RYR3: variants seen among roughly 807,000 people sequenced by gnomAD.
RYR3 encodes brain ryanodine receptor-calcium release channel.
Under a neutral mutation model 584.3 loss-of-function variants are expected in RYR3, and 207 were observed. That is an observed-to-expected ratio of 0.35 (90% confidence interval 0.32 to 0.40). RYR3 has a LOEUF of 0.40. Ranked by LOEUF, RYR3 falls within the 10% of genes least tolerant of loss-of-function variation. The pLI is 1.00. For missense variants in RYR3, 5,616 were observed against 6,089.2 expected (o/e 0.92, Z 2.59); for synonymous variants, 2,416 against 2,248.5 (o/e 1.07, Z -2.11).
intron 2 of RYR3, among the ~76,000 whole-genome samples, chr15:33,500,131 A>T (rs557884694): frequency 6.6e-6 from 1 of 152,352 alleles, no homozygotes; most frequent in East Asian, 1.9e-4. Flanking sequence ...AATAAGGCAC[A>T]GATTCTTTCA....
intron 43 of RYR3, among the ~76,000 whole-genome samples, chr15:33,718,541 TA>T (rs1268512556): frequency 1.3e-5 from 2 of 152,102 alleles, no homozygotes; most frequent in African/African-American, 4.8e-5. Flanking sequence ...TTCCCATGTT[TA>T]AGCTCCTCCT....
intron 3 of RYR3, among the ~76,000 whole-genome samples, chr15:33,515,436 A>G (rs1311175741): frequency 2.0e-5 from 3 of 152,240 alleles, no homozygotes; most frequent in African/African-American, 7.2e-5. Context: ...AAACCTTTGT[A>G]GGTCTGTCTG....
chr15:33,525,845 T>C (rs1211278717), intron 3 of RYR3, among the ~76,000 whole-genome samples: 2 of 152,214 alleles, frequency 1.3e-5, no homozygotes, highest in East Asian at 3.9e-4. Context: ...CAGGAAATAT[T>C]GTTCTGTGAG....
At chr15:33,640,986 T>C (rs1176865776) in intron 27 of RYR3, among the ~76,000 whole-genome samples, 5 of 152,182 alleles carry the variant, frequency 3.3e-5, no homozygotes, top group Admixed American at 3.3e-4. Context: ...CCTTGCCCAG[T>C]AGGTCCTTTT....
At chr15:33,424,513 G>A (rs1192160413) in intron 1 of RYR3, among the ~76,000 whole-genome samples, 2 of 152,168 alleles carry the variant, frequency 1.3e-5, no homozygotes, top group Admixed American at 6.5e-5. Flanking sequence ...AGCCTTGTCT[G>A]CTGCCCTCCT....
At chr15:33,744,029 C>T (rs1263205020) in intron 52 of RYR3, among the ~76,000 whole-genome samples, 2 of 152,154 alleles carry the variant, frequency 1.3e-5, no homozygotes, top group African/African-American at 2.4e-5. Flanking sequence ...GCCCTCTGCC[C>T]TCCAGCCACC....
intron 1 of RYR3, among the ~76,000 whole-genome samples, chr15:33,344,077 ATTG>A (rs780706954): frequency 4.0e-4 from 61 of 152,306 alleles, no homozygotes; most frequent in African/African-American, 1.4e-3. Flanking sequence ...ACTTGCTGGA[ATTG>A]TTGTTGTTGC....
At chr15:33,514,818 G>A (rs2053360182) in intron 3 of RYR3, among the ~76,000 whole-genome samples, 1 of 151,848 alleles carries the variant, frequency 6.6e-6, no homozygotes, top group South Asian at 2.1e-4. Context: ...TGGTTAACAC[G>A]GTGAAACCCC....
At chr15:33,711,633 TC>T (rs35073118) in intron 43 of RYR3, among the ~76,000 whole-genome samples, 1 of 152,178 alleles carries the variant, frequency 6.6e-6, no homozygotes, top group African/African-American at 2.4e-5. Context: ...CTTCCATCGA[TC>T]CCTAAGGCAC....
intron 2 of RYR3, among the ~76,000 whole-genome samples, chr15:33,488,297 TGAA>T (rs955331012): frequency 9.5e-4 from 145 of 152,294 alleles, no homozygotes; most frequent in Middle Eastern, 3.4e-3. Context: ...TGGCCCCAGG[TGAA>T]TTATGAATAG....
At chr15:33,823,655 A>C (rs1395444663) in intron 81 of RYR3, among the ~76,000 whole-genome samples, 1 of 152,160 alleles carries the variant, frequency 6.6e-6, no homozygotes, top group Non-Finnish European at 1.5e-5. Context: ...TAAGCTGTTT[A>C]AGCCACCCCT....
chr15:33,468,611 T>G (rs993558520), intron 1 of RYR3, among the ~76,000 whole-genome samples: 1 of 152,224 alleles, frequency 6.6e-6, no homozygotes, highest in African/African-American at 2.4e-5. Context: ...AATTAACACA[T>G]TTTTACAAAA....
chr15:33,472,069 T>G (rs898645281), intron 1 of RYR3, among the ~76,000 whole-genome samples: 1 of 152,230 alleles, frequency 6.6e-6, no homozygotes, highest in Non-Finnish European at 1.5e-5. Flanking sequence ...GACCATGAAT[T>G]CTGATTTTAC....
rs771688205 is a variant in RYR3 at position 33,613,337 on chromosome 15, G to A, written c.2319G>A (p.Gly773=). Residue 773 remains glycine (G), a synonymous_variant, in exon 19 of 104, where the codon GGG becomes GGA. Transcript: ENST00000634891. The stretch of plus-strand genomic sequence containing the variant: ...TGTTTGAGAACTTCAACACAGACGG[G>A]CTCTTCTTCCCTGTGATGAGCTTTT... ...QGMFENFNTD[G]LFFPVMSFSA... The A allele has an allele frequency of 1.9e-6, 3 of 1,612,692 alleles. No homozygotes were observed. The highest frequency in any genetic ancestry group is 3.3e-5 in the Admixed American group (2 of 59,910).
At chr15:33,722,150 T>A (rs2067981793) in intron 43 of RYR3, among the ~76,000 whole-genome samples, 1 of 152,048 alleles carries the variant, frequency 6.6e-6, no homozygotes, top group Non-Finnish European at 1.5e-5. Flanking sequence ...TCCCCAAACG[T>A]TAATTGAAGC....
intron 1 of RYR3, among the ~76,000 whole-genome samples, chr15:33,316,938 C>T (rs1184723057): frequency 6.6e-6 from 1 of 152,198 alleles, no homozygotes; most frequent in Non-Finnish European, 1.5e-5. Context: ...GCAATTACTT[C>T]TCTAAAGCCA....
At chr15:33,497,444 A>G (rs2051538372) in intron 2 of RYR3, among the ~76,000 whole-genome samples, 1 of 152,132 alleles carries the variant, frequency 6.6e-6, no homozygotes, top group Admixed American at 6.5e-5. Context: ...CTAACTTCTC[A>G]AGATTTTAAA....
intron 38 of RYR3, among the ~76,000 whole-genome samples, chr15:33,675,917 G>T (rs180998041): frequency 1.3e-5 from 2 of 152,116 alleles, no homozygotes; most frequent in Non-Finnish European, 2.9e-5. Flanking sequence ...GGATTTCATC[G>T]CAGTGCTCTG....
chr15:33,592,634 G>C (rs2059186437), intron 16 of RYR3, among the ~76,000 whole-genome samples: 1 of 152,124 alleles, frequency 6.6e-6, no homozygotes, highest in African/African-American at 2.4e-5. Context: ...AATGGAGTCT[G>C]GTGAATACTC....
Sources: gnomAD v4.1 joint callset for allele counts (sites outside exome capture counted in the v4.1 genomes callset) on GRCh38, gnomAD v4.1.1 for gene constraint, MANE v1.5 for transcripts, NCBI Gene and HGNC (gene_info 2026-07-23, HGNC 2026-07-21) for gene names.